PTPRM: variants seen among roughly 807,000 people sequenced by gnomAD.
The protein encoded by PTPRM is receptor-type tyrosine-protein phosphatase mu.
Under a neutral mutation model 186.7 loss-of-function variants are expected in PTPRM, and 47 were observed. The ratio of observed to expected loss-of-function variants is 0.25; its 90% CI spans 0.20 to 0.32. The LOEUF (loss-of-function observed/expected upper bound fraction) is 0.32, where lower values mean the gene tolerates loss of function less well. Ranked by LOEUF, PTPRM falls within the 10% of genes least tolerant of loss-of-function variation. PTPRM has a pLI of 1.00. For missense variants in PTPRM, 1,494 were observed against 1,865.0 expected (o/e 0.80, Z 3.66); for synonymous variants, 668 against 674.9 (o/e 0.99, Z 0.16).
intron 1 of PTPRM, among the ~76,000 whole-genome samples, chr18:7,755,607 T>C (rs1034257433): frequency 6.6e-6 from 1 of 152,224 alleles, no homozygotes; most frequent in Non-Finnish European, 1.5e-5. Context: ...GCTTTTAAAC[T>C]GTCTAGAAAT....
intron 4 of PTPRM, among the ~76,000 whole-genome samples, chr18:7,909,554 G>A (rs1225883468): frequency 1.3e-5 from 2 of 152,152 alleles, no homozygotes; most frequent in African/African-American, 4.8e-5. Context: ...AGCTTTACAG[G>A]TAATATTTTA....
chr18:8,167,886 A>G (rs2093345932), intron 14 of PTPRM, among the ~76,000 whole-genome samples: 1 of 152,224 alleles, frequency 6.6e-6, no homozygotes, highest in Admixed American at 6.5e-5. Context: ...ATTATCTTCC[A>G]GCGATGTCGC....
intron 7 of PTPRM, among the ~76,000 whole-genome samples, chr18:7,990,510 A>C (rs2083208875): frequency 6.6e-6 from 1 of 152,236 alleles, no homozygotes; most frequent in Non-Finnish European, 1.5e-5. Context: ...AAATATTAAA[A>C]ATATGAATAT....
At chr18:8,310,500 T>C (rs1012199791) in intron 20 of PTPRM, among the ~76,000 whole-genome samples, 1 of 149,052 alleles carries the variant, frequency 6.7e-6, no homozygotes, top group Non-Finnish European at 1.5e-5. Flanking sequence ...AGATCCTTCC[T>C]ACCTCCTGGC....
intron 15 of PTPRM, among the ~76,000 whole-genome samples, chr18:8,246,025 C>G (rs892002061): frequency 7.2e-5 from 11 of 152,184 alleles, no homozygotes; most frequent in Admixed American, 2.6e-4. Flanking sequence ...ATAAAGCCAA[C>G]AGAAGGAACA....
chr18:7,761,560 A>G (rs887431422), intron 1 of PTPRM, among the ~76,000 whole-genome samples: 1 of 152,186 alleles, frequency 6.6e-6, no homozygotes, highest in Non-Finnish European at 1.5e-5. Context: ...ACATTTAGGT[A>G]CTGACTCTCT....
rs1342384913 is a variant in PTPRM at position 7,608,123 on chromosome 18, T to A, written c.73+40232T>A. Among the ~76,000 whole-genome samples the A allele has an allele frequency of 2.6e-5, 4 of 152,168 alleles. No homozygotes were observed. The East Asian group carries it at 5.8e-4, about 22-fold the overall frequency. On this transcript the variant is annotated intron_variant, in intron 1 of 32. Coordinates refer to ENST00000580170, the MANE Select transcript of PTPRM (RefSeq NM_001105244.2). ...GGCATCAGGCTGACTGATATTCACA[T>A]CAAAGGAACGAACAACTCCTTTCTT...
chr18:7,732,856 T>A (rs986564347), intron 1 of PTPRM, among the ~76,000 whole-genome samples: 2 of 152,104 alleles, frequency 1.3e-5, no homozygotes, highest in Non-Finnish European at 2.9e-5. Context: ...TAAGAATCCC[T>A]GTGTTTATTT....
In PTPRM at chr18:8,238,990, T is replaced by A. The variant is rs575185204; in HGVS notation, c.2301-5068T>A. The stretch of plus-strand genomic sequence containing the variant: ...AAACATAGCTTCTCTTTTTTTTTTT[T>A]AATTTAATTTTATTATTATTATACT... On this transcript the variant is annotated intron_variant, in intron 14 of 32. Transcript: ENST00000580170. Among the ~76,000 whole-genome samples, 14 of 135,494 alleles carry A rather than the reference T, an allele frequency of 1.0e-4. No homozygotes were observed. The East Asian group carries it at 1.4e-3, about 13-fold the overall frequency. 88.9% of individuals were successfully genotyped at this position (135,494 alleles called of 152,430 possible).
At chr18:7,790,374 G>T (rs1305559201) in intron 2 of PTPRM, among the ~76,000 whole-genome samples, 1 of 152,202 alleles carries the variant, frequency 6.6e-6, no homozygotes, top group African/African-American at 2.4e-5. Flanking sequence ...TCCTGCCCAT[G>T]TTTTGATTCA....
At position 7,727,345 on chromosome 18, in the gene PTPRM, A is replaced by G. The variant is rs1598444165; in HGVS notation, c.74-46804A>G. Among the ~76,000 whole-genome samples the G allele has an allele frequency of 2.0e-5, 3 of 152,320 alleles. No individual in the cohort carries two copies. In the South Asian group the frequency reaches 6.2e-4, roughly 32 times the overall value. ...ATATTTTCAGTTTATTTTCTCATCA[A>G]GCAGATGCCTTTAACCTTGAAAGGC... On this transcript the variant is annotated intron_variant, in intron 1 of 32. Coordinates refer to ENST00000580170, the MANE Select transcript of PTPRM (RefSeq NM_001105244.2).
intron 2 of PTPRM, among the ~76,000 whole-genome samples, chr18:7,867,968 C>T (rs557734461): frequency 4.9e-4 from 75 of 152,256 alleles, no homozygotes; most frequent in Non-Finnish European, 8.8e-5. Flanking sequence ...CTGATATCCT[C>T]TCTTCCGCTT....
chr18:7,996,982 G>T (rs1425298142), intron 7 of PTPRM, among the ~76,000 whole-genome samples: 1 of 152,066 alleles, frequency 6.6e-6, no homozygotes, highest in Non-Finnish European at 1.5e-5. Context: ...GCAATCCATA[G>T]ATTCATTGCA....
Position 8,232,968 on chromosome 18 carries a change from G to T in PTPRM, c.2301-11090G>T, listed in dbSNP as rs114906139. Among the ~76,000 whole-genome samples the T allele has an allele frequency of 4.7e-3, 722 of 152,276 alleles. 3 individuals are homozygous for T. The highest frequency in any genetic ancestry group is 0.016 in the African/African-American group (685 of 41,560). ...CGGCCATTTGGTTCACAGCAGGCTT[G>T]TGAGACTGCATTCCTGGAACAATGG... On this transcript the variant is annotated intron_variant, in intron 14 of 32. Transcript: ENST00000580170.
At chr18:8,250,099 G>A (rs1222808315) in intron 17 of PTPRM, among the ~76,000 whole-genome samples, 1 of 152,158 alleles carries the variant, frequency 6.6e-6, no homozygotes, top group East Asian at 1.9e-4. Flanking sequence ...GTCTTGCTGT[G>A]AGTCAGAGCT....
intron 1 of PTPRM, among the ~76,000 whole-genome samples, chr18:7,758,360 C>T (rs1056318821): frequency 6.6e-6 from 1 of 152,150 alleles, no homozygotes; most frequent in Non-Finnish European, 1.5e-5. Context: ...TATTGGAGAT[C>T]AGTAACCTTT....
At chr18:8,203,755 C>A (rs1329243829) in intron 14 of PTPRM, among the ~76,000 whole-genome samples, 3 of 152,254 alleles carry the variant, frequency 2.0e-5, no homozygotes, top group Non-Finnish European at 2.9e-5. Context: ...AAAGTAAACA[C>A]ACACACACAT....
chr18:8,076,440 C>T lies in PTPRM; in HGVS notation c.1442-15C>T, dbSNP rs1484178571. 1 of 1,436,872 alleles carries T rather than the reference C, an allele frequency of 7.0e-7. No individual in the cohort carries two copies. The highest frequency in any genetic ancestry group is 1.4e-5 in the African/African-American group (1 of 71,114). 89.0% of individuals were successfully genotyped at this position (1,436,872 alleles called of 1,614,324 possible). On this transcript the variant is annotated splice_polypyrimidine_tract_variant and intron_variant, in intron 8 of 32. Transcript: ENST00000580170. Reference sequence around the variant, plus strand: ...TTTATTACTTAAACATTTATTTCCTCCCACCCTCCTTTAGTCCCAGGTGCT... The same window carrying T: ...TTTATTACTTAAACATTTATTTCCTTCCACCCTCCTTTAGTCCCAGGTGCT...
At chr18:7,667,895 G>A (rs1271031221) in intron 1 of PTPRM, among the ~76,000 whole-genome samples, 2 of 151,664 alleles carry the variant, frequency 1.3e-5, no homozygotes, top group African/African-American at 4.8e-5. Flanking sequence ...AGTGAAATGA[G>A]AACTCAGAAA....
Sources: allele counts gnomAD v4.1 joint callset (sites outside exome capture counted in the v4.1 genomes callset), GRCh38; gene constraint gnomAD v4.1.1; transcripts MANE v1.5; gene names NCBI Gene and HGNC (gene_info 2026-07-23, HGNC 2026-07-21).